PRKAA1: variants seen among roughly 807,000 people sequenced by gnomAD.
The protein encoded by PRKAA1 is 5'-AMP-activated protein kinase catalytic subunit alpha-1.
Under a neutral mutation model 56.9 loss-of-function variants are expected in PRKAA1, and 23 were observed. That is an observed-to-expected ratio of 0.40 (90% CI 0.29 to 0.57). PRKAA1 has a LOEUF of 0.57. Among genes scored for constraint, PRKAA1 ranks in the 20% least tolerant of loss-of-function variants. PRKAA1 has a pLI of 0.39. For missense variants in PRKAA1, 413 were observed against 679.7 expected (o/e 0.61, Z 4.36); for synonymous variants, 226 against 227.0 (o/e 1.00, Z 0.04).
intron 1 of PRKAA1, among the ~76,000 whole-genome samples, chr5:40,795,942 C>CG (rs2112113829): frequency 6.6e-6 from 1 of 152,302 alleles, no homozygotes; most frequent in East Asian, 1.9e-4. Flanking sequence ...GTGTCACAGC[C>CG]ATATCACAGA....
At chr5:40,797,946 G>A (rs913405333) in intron 1 of PRKAA1, 117 bp downstream of exon 1, 2 of 1,491,918 alleles carry the variant, frequency 1.3e-6, no homozygotes, top group Non-Finnish European at 1.8e-6. Flanking sequence ...CCGGGACAGG[G>A]GCTGCCCAGC....
chr5:40,769,347 A>C, intron 5 of PRKAA1, 69 bp downstream of exon 5: 1 of 1,237,802 alleles, frequency 8.1e-7, no homozygotes, highest in Non-Finnish European at 1.2e-6. Context: ...ATGACACTAT[A>C]GACTAACAAA....
Position 40,788,875 on chromosome 5 carries a change from A to G in PRKAA1, c.127+9188T>C, listed in dbSNP as rs562867199. On this transcript the variant is annotated intron_variant, in intron 1 of 8. Transcript: ENST00000397128. ...AACAAATAGAGTGAAGAGACAACCCAAAGACTGAGAAAACGTATTTACAAA... is the reference window on the plus strand; with the variant it reads ...AACAAATAGAGTGAAGAGACAACCCGAAGACTGAGAAAACGTATTTACAAA... Among the ~76,000 whole-genome samples, 3 of 151,972 alleles carry G rather than the reference A, an allele frequency of 2.0e-5. No homozygotes were observed. In the South Asian group the frequency reaches 6.2e-4, roughly 32 times the overall value.
In PRKAA1 at chr5:40,788,609, C is replaced by T. The variant is rs537986185; in HGVS notation, c.127+9454G>A. On this transcript the variant is annotated intron_variant, in intron 1 of 8. Transcript: ENST00000397128. ...CTTTGGCAGGCCGAGGCAGGCGGAT[C>T]ACAAGGTCAGGAGTTCGAGACCAGC... Among the ~76,000 whole-genome samples, 131 of 152,264 alleles carry T rather than the reference C, an allele frequency of 8.6e-4. 3 individuals are homozygous for T. The Middle Eastern group carries it at 0.017, about 20-fold the overall frequency.
intron 1 of PRKAA1, among the ~76,000 whole-genome samples, chr5:40,785,282 C>T (rs1483750195): frequency 6.6e-6 from 1 of 151,934 alleles, no homozygotes; most frequent in Non-Finnish European, 1.5e-5. Context: ...TCTTGTTGCC[C>T]AGGCTGGAGT....
intron 1 of PRKAA1, among the ~76,000 whole-genome samples, chr5:40,783,501 G>A (rs781426439): frequency 7.2e-5 from 11 of 152,140 alleles, no homozygotes; most frequent in Admixed American, 3.3e-4. Flanking sequence ...GCTCAAGCCT[G>A]TAATCCCAGC....
intron 2 of PRKAA1, 36 bp downstream of exon 2, chr5:40,777,409 G>A (rs771642965): frequency 4.5e-6 from 7 of 1,542,258 alleles, no homozygotes; most frequent in South Asian, 1.2e-5. Flanking sequence ...AAGATGAAAA[G>A]ATGACTGGAC....
chr5:40,782,522 AT>A (rs1160123539), intron 1 of PRKAA1, among the ~76,000 whole-genome samples: 1 of 152,240 alleles, frequency 6.6e-6, no homozygotes, highest in Non-Finnish European at 1.5e-5. Flanking sequence ...AAACAAAAAA[AT>A]GAATAGACAT....
intron 1 of PRKAA1, among the ~76,000 whole-genome samples, chr5:40,795,036 A>ACACAC (rs1554033959): frequency 9.3e-4 from 98 of 104,920 alleles, no homozygotes; most frequent in African/African-American, 3.0e-3. Flanking sequence ...CACACACACA[A>ACACAC]AATGGAATAC....
intron 6 of PRKAA1, among the ~76,000 whole-genome samples, chr5:40,766,675 A>C (rs888729699): frequency 6.6e-5 from 10 of 152,180 alleles, no homozygotes; most frequent in African/African-American, 2.4e-4. Flanking sequence ...AAGAAATAAA[A>C]TAGCCACCCA....
At chr5:40,771,898 T>A (rs771391938) in intron 3 of PRKAA1, 35 bp from the exon 4 acceptor site, 3 of 1,591,290 alleles carry the variant, frequency 1.9e-6, no homozygotes, top group Non-Finnish European at 2.6e-6. Flanking sequence ...TAAAGGTGTG[T>A]CTTTCAAAGT....
intron 6 of PRKAA1, 110 bp from the exon 7 acceptor site, chr5:40,765,348 GTAT>G (rs937098114): frequency 7.9e-7 from 1 of 1,260,398 alleles, no homozygotes; most frequent in Non-Finnish European, 1.1e-6. Flanking sequence ...TATTCATACT[GTAT>G]TATTGTCACT....
chr5:40,764,079 C>T (rs970263710), intron 8 of PRKAA1, among the ~76,000 whole-genome samples: 16 of 152,150 alleles, frequency 1.1e-4, no homozygotes, highest in African/African-American at 3.6e-4. Context: ...CACCTGCACT[C>T]AACAGCGTAG....
At chr5:40,782,212 A>G (rs747186012) in intron 1 of PRKAA1, among the ~76,000 whole-genome samples, 14 of 152,198 alleles carry the variant, frequency 9.2e-5, no homozygotes, top group Admixed American at 2.6e-4. Context: ...AACTCCTATG[A>G]TACCCTGCTC....
In PRKAA1 at chr5:40,773,525, C is replaced by A. The variant is rs184149653; in HGVS notation, c.364-1662G>T. Among the ~76,000 whole-genome samples the A allele has an allele frequency of 4.6e-5, 7 of 152,180 alleles. No individual in the cohort carries two copies. In the East Asian group the frequency reaches 1.4e-3, roughly 29 times the overall value. On this transcript the variant is annotated intron_variant, in intron 3 of 8. Coordinates refer to ENST00000397128, the MANE Select transcript of PRKAA1 (RefSeq NM_006251.6). ...TCTTGAAACATCACTAAAATGACATCAGCAATAAAACAGGCATATAAAGAC... is the reference window on the plus strand; with the variant it reads ...TCTTGAAACATCACTAAAATGACATAAGCAATAAAACAGGCATATAAAGAC...
rs990762351 is a variant in PRKAA1 at position 40,761,250 on chromosome 5, T to C, written c.*1528A>G. 1 of 152,286 alleles carries C rather than the reference T, an allele frequency of 6.6e-6. No homozygotes were observed. Among genetic ancestry groups the C allele is most frequent in the East Asian group, 1.9e-4 (1 of 5,194 alleles). The allele number at this position is 152,286 out of a possible 1,614,324, so 9.4% of individuals were successfully genotyped here. ...AATCAGCTATAAAGAAATTTGGAGTTAACTTCAGAAATTTAAATATGGCTT... is the reference window on the plus strand; with the variant it reads ...AATCAGCTATAAAGAAATTTGGAGTCAACTTCAGAAATTTAAATATGGCTT... On this transcript the variant is annotated 3_prime_UTR_variant, in exon 9 of 9. Coordinates refer to ENST00000397128, the MANE Select transcript of PRKAA1 (RefSeq NM_006251.6).
At chr5:40,766,194 G>T (rs1235671286) in intron 6 of PRKAA1, among the ~76,000 whole-genome samples, 1 of 152,106 alleles carries the variant, frequency 6.6e-6, no homozygotes, top group Non-Finnish European at 1.5e-5. Flanking sequence ...GCCATTCATG[G>T]TCTCTTTTTT....
Position 40,765,105 on chromosome 5 carries a change from G to C in PRKAA1, c.955C>G (p.Leu319Val), listed in dbSNP as rs1255970170. 1 of 1,614,172 alleles carries C rather than the reference G, an allele frequency of 6.2e-7. No homozygotes were observed. Among genetic ancestry groups the C allele is most frequent in the South Asian group, 1.1e-5 (1 of 91,084 alleles). ...TGATTTCTGTTGTAAAGACAGCTGA[G>C]AACTTCCTCTTCTGAGCACTCAAAC... ...EKFECSEEEV[L>V]SCLYNRNHQD... Residue 319 changes from leucine (L) to valine (V), a missense_variant, in exon 7 of 9, where the codon CTC (leucine) becomes GTC (valine). Leu to Val is a conservative substitution (Grantham distance 32, BLOSUM62 1). Around this residue, in one of 9 missense-constraint regions of PRKAA1, gnomAD observed 113 missense variants for 198.6 expected, o/e 0.57. Coordinates refer to ENST00000397128, the MANE Select transcript of PRKAA1 (RefSeq NM_006251.6).
rs1022975712 is a variant in PRKAA1 at position 40,762,272 on chromosome 5, A to G, written c.*506T>C. On this transcript the variant is annotated 3_prime_UTR_variant, in exon 9 of 9. Transcript: ENST00000397128. Reference sequence around the variant, plus strand: ...GGGTGACAAAGTGACACTGTCTCAAAAAAACAAAGAGGGAGGGATATGGAA... The same window carrying G: ...GGGTGACAAAGTGACACTGTCTCAAGAAAACAAAGAGGGAGGGATATGGAA... 1.3e-5 allele frequency: 2 copies of G among 156,416 alleles called. No homozygotes were observed. Among genetic ancestry groups the G allele is most frequent in the Non-Finnish European group, 2.8e-5 (2 of 70,722 alleles). The allele number at this position is 156,416 out of a possible 1,614,324, so 9.7% of individuals were successfully genotyped here.
Sources: gnomAD v4.1 joint callset for allele counts (sites outside exome capture counted in the v4.1 genomes callset) on GRCh38, gnomAD v4.1.1 for gene constraint, gnomAD v4.1.1 regional missense constraint, MANE v1.5 for transcripts, NCBI Gene and HGNC (gene_info 2026-07-23, HGNC 2026-07-21) for gene names.